Variants in LRRTM4 observed in about 807,000 individuals in gnomAD.
The protein encoded by LRRTM4 is leucine-rich repeat transmembrane neuronal protein 4.
Under a neutral mutation model 47.6 loss-of-function variants are expected in LRRTM4, and 25 were observed. That is an observed-to-expected ratio of 0.53 (90% confidence interval 0.38 to 0.73). The LOEUF is 0.73. Ranked by LOEUF, LRRTM4 falls within the 30% of genes least tolerant of loss-of-function variation. The probability of loss-of-function intolerance (pLI) is 0.00; values close to 1 mark genes in which losing one functional copy is unlikely to be tolerated. For missense variants in LRRTM4, 638 were observed against 713.4 expected, an observed-to-expected ratio of 0.89 and a Z score of 1.20; for synonymous variants, 311 against 269.5, an observed-to-expected ratio of 1.15 and a Z score of -1.51.
At chr2:77,334,309 A>C (rs1199330158) in intron 3 of LRRTM4, among the ~76,000 whole-genome samples, 3 of 152,086 alleles carry the variant, frequency 2.0e-5, no homozygotes, top group Non-Finnish European at 4.4e-5. Flanking sequence ...GAGATTTAGG[A>C]GTGGCCAGGG....
At chr2:77,197,772 G>T (rs1673870102) in intron 3 of LRRTM4, among the ~76,000 whole-genome samples, 1 of 152,066 alleles carries the variant, frequency 6.6e-6, no homozygotes, top group African/African-American at 2.4e-5. Context: ...TCACTCATTT[G>T]CCTAATTTAT....
intron 3 of LRRTM4, among the ~76,000 whole-genome samples, chr2:76,809,744 G>C (rs1670671448): frequency 6.6e-6 from 1 of 152,128 alleles, no homozygotes; most frequent in Non-Finnish European, 1.5e-5. Flanking sequence ...AGTGGCCTTT[G>C]CTGCCTTCCT....
intron 3 of LRRTM4, among the ~76,000 whole-genome samples, chr2:77,075,914 C>CAAAAAAAA (rs61718845): frequency 0.012 from 441 of 36,836 alleles, 40 homozygotes; most frequent in East Asian, 0.045. Context: ...GACTCCGTCT[C>CAAAAAAAA]AAAAAAAAAA....
rs558839712 is a variant in LRRTM4, at chr2:76,832,082, T to A, written c.1552-83166A>T. Among the ~76,000 whole-genome samples the A allele has an allele frequency of 2.6e-5, 4 of 152,226 alleles. No individual in the cohort carries two copies. The South Asian group carries it at 8.3e-4, about 32-fold the overall frequency. On this transcript the variant is annotated intron_variant, in intron 3 of 3. Coordinates refer to ENST00000409884, the MANE Select transcript of LRRTM4 (RefSeq NM_001134745.3). The stretch of plus-strand genomic sequence containing the variant: ...GTTTTTTCCATGTAAAGTAATTTAA[T>A]GTAGGCTCCTACTTTCTGAACATTC...
At chr2:77,442,115 G>C (rs1333646493) in intron 3 of LRRTM4, among the ~76,000 whole-genome samples, 1 of 152,126 alleles carries the variant, frequency 6.6e-6, no homozygotes, top group Non-Finnish European at 1.5e-5. Flanking sequence ...CATGGTCACA[G>C]AGGACTCTGG....
At chr2:76,808,524 T>C (rs756588748) in intron 3 of LRRTM4, among the ~76,000 whole-genome samples, 3 of 151,848 alleles carry the variant, frequency 2.0e-5, no homozygotes, top group Non-Finnish European at 4.4e-5. Context: ...AGAAACACAA[T>C]CACAATTTTG....
At chr2:76,998,681 C>T (rs1677294722) in intron 3 of LRRTM4, among the ~76,000 whole-genome samples, 1 of 151,398 alleles carries the variant, frequency 6.6e-6, no homozygotes, top group South Asian at 2.1e-4. Context: ...GAAAAAAAAC[C>T]CAAAAAAACA....
At chr2:77,474,650 T>G (rs921134859) in intron 3 of LRRTM4, among the ~76,000 whole-genome samples, 1 of 152,230 alleles carries the variant, frequency 6.6e-6, no homozygotes, top group Non-Finnish European at 1.5e-5. Flanking sequence ...TTTCATTGAT[T>G]TTTAGATTTC....
chr2:76,809,482 C>T (rs1670663876), intron 3 of LRRTM4, among the ~76,000 whole-genome samples: 1 of 152,102 alleles, frequency 6.6e-6, no homozygotes, highest in African/African-American at 2.4e-5. Context: ...TCAGAAAATC[C>T]TAGTAACTTT....
chr2:76,909,324 A>ACG (rs1395823493), intron 3 of LRRTM4, among the ~76,000 whole-genome samples: 56 of 152,268 alleles, frequency 3.7e-4, no homozygotes, highest in Admixed American at 5.9e-4. Flanking sequence ...CCTTCCTTAC[A>ACG]CCTTATACAA....
At chr2:77,109,926 T>C (rs1432196273) in intron 3 of LRRTM4, among the ~76,000 whole-genome samples, 1 of 151,606 alleles carries the variant, frequency 6.6e-6, no homozygotes, top group Non-Finnish European at 1.5e-5. Context: ...CAGATGTGAA[T>C]AAATTACCCA....
chr2:77,414,329 G>A (rs1455593056), intron 3 of LRRTM4, among the ~76,000 whole-genome samples: 1 of 152,142 alleles, frequency 6.6e-6, no homozygotes, highest in Non-Finnish European at 1.5e-5. Context: ...CAGCTACACA[G>A]AGAGTTGTAA....
At chr2:76,904,622 C>A (rs571655937) in intron 3 of LRRTM4, among the ~76,000 whole-genome samples, 2 of 152,222 alleles carry the variant, frequency 1.3e-5, no homozygotes, top group East Asian at 3.9e-4. Context: ...TTTTATATAA[C>A]TGAGCAGTGA....
At chr2:77,082,990 T>C (rs1037808358) in intron 3 of LRRTM4, among the ~76,000 whole-genome samples, 1 of 152,178 alleles carries the variant, frequency 6.6e-6, no homozygotes, top group Non-Finnish European at 1.5e-5. Flanking sequence ...AATAATTTGA[T>C]ATTTTCAGTT....
chr2:77,025,759 C>A (rs985496246), intron 3 of LRRTM4, among the ~76,000 whole-genome samples: 1 of 152,136 alleles, frequency 6.6e-6, no homozygotes, highest in African/African-American at 2.4e-5. Context: ...TCTTTAGCCA[C>A]ATCCACTCCA....
chr2:76,851,747 T>G (rs2103973959), intron 3 of LRRTM4, among the ~76,000 whole-genome samples: 1 of 138,060 alleles, frequency 7.2e-6, no homozygotes, highest in East Asian at 2.2e-4. Context: ...GATTTTTAAC[T>G]TTTATTCGTT....
At chr2:77,366,762 G>T (rs1386897764) in intron 3 of LRRTM4, among the ~76,000 whole-genome samples, 1 of 151,742 alleles carries the variant, frequency 6.6e-6, no homozygotes, top group African/African-American at 2.4e-5. Context: ...AGACTCTCTA[G>T]TCTCAAGAAC....
chr2:77,420,951 T>TCCTA (rs1674853373), intron 3 of LRRTM4, among the ~76,000 whole-genome samples: 1 of 148,420 alleles, frequency 6.7e-6, no homozygotes, highest in African/African-American at 2.5e-5. Context: ...GAATTATATT[T>TCCTA]CCTAGTGAAA....
intron 3 of LRRTM4, among the ~76,000 whole-genome samples, chr2:77,073,872 A>G (rs1219279604): frequency 2.0e-5 from 3 of 151,912 alleles, no homozygotes; most frequent in African/African-American, 7.2e-5. Flanking sequence ...AATCTGGTGA[A>G]GCTTCTTGAT....
Sources: allele counts gnomAD v4.1 joint callset (sites outside exome capture counted in the v4.1 genomes callset), GRCh38; gene constraint gnomAD v4.1.1; transcripts MANE v1.5; gene names NCBI Gene and HGNC (gene_info 2026-07-23, HGNC 2026-07-21).